Variants in DAB2IP observed in about 807,000 individuals in gnomAD.
DAB2IP encodes the protein disabled homolog 2-interacting protein.
A neutral mutation model predicts 107.2 loss-of-function variants in DAB2IP; 28 were observed. The ratio of observed to expected loss-of-function variants is 0.26; its 90% CI spans 0.19 to 0.36. DAB2IP has a LOEUF of 0.36. DAB2IP is among the 10% of genes least tolerant of loss of function. The pLI, the probability that DAB2IP is intolerant of heterozygous loss-of-function variation, is 1.00. For missense variants in DAB2IP, 1,400 were observed against 1,644.7 expected (o/e 0.85, Z 2.57); for synonymous variants, 755 against 706.4 (o/e 1.07, Z -1.09).
rs150482022 is a variant in DAB2IP, at chr9:121,772,736, T to C, written c.2208T>C (p.Asp736=). Residue 736 remains aspartate (D), a synonymous_variant, in exon 12 of 16, where the codon GAT becomes GAC. Coordinates refer to ENST00000408936, the Ensembl canonical transcript of DAB2IP. This position sits in a 1 kb window ranked among gnomAD's most constrained non-coding sequence, Gnocchi z 4.7. ...GTTACTCGGAAGCCAACGAGCCTGA[T>C]CTTCAGATGGCCAACGGTGGCAAGA... 47 of 1,613,982 alleles carry C rather than the reference T, an allele frequency of 2.9e-5. No homozygotes were observed. The African/African-American group carries it at 5.9e-4, about 20-fold the overall frequency.
chr9:121,579,658 C>T (rs1830147290), intron 1 of DAB2IP, among the ~76,000 whole-genome samples: 1 of 152,160 alleles, frequency 6.6e-6, no homozygotes. Context: ...GCTCTGGGGG[C>T]AGCCCTGTCA....
chr9:121,642,495 T>A (rs978341162), intron 1 of DAB2IP, among the ~76,000 whole-genome samples: 13 of 147,510 alleles, frequency 8.8e-5, no homozygotes, highest in African/African-American at 3.3e-4. Flanking sequence ...TTTCTTTTTT[T>A]TTTTTTTTTT....
Position 121,776,405 on chromosome 9 carries a change from C to A in DAB2IP, c.3314+14C>A. The A allele has an allele frequency of 6.6e-7, 1 of 1,513,316 alleles. No homozygotes were observed. 93.7% of individuals were successfully genotyped at this position (1,513,316 alleles called of 1,614,324 possible). On this transcript the variant is annotated intron_variant, in intron 14 of 15. Coordinates refer to ENST00000408936, the Ensembl canonical transcript of DAB2IP. The surrounding 1 kb of genome is among the most constrained non-coding windows in gnomAD (Gnocchi z 5.4). ...CATCATCAGCAGGTGGGGCCCACAC[C>A]TGCCTGGCCTGGCCACAGGCACAGG...
At chr9:121,666,414 G>T (rs1325592706) in intron 1 of DAB2IP, among the ~76,000 whole-genome samples, 1 of 152,234 alleles carries the variant, frequency 6.6e-6, no homozygotes, top group Non-Finnish European at 1.5e-5. Context: ...GGTGGGTAAG[G>T]TTTAGTAACC....
Position 121,772,491 on chromosome 9 carries a change from G to A in DAB2IP, c.2079-116G>A. ...CAGCGCATCCATCTCCCCAGCGCTG[G>A]CTCAGGCTGCCAGGCCCCGGCAGGT... On this transcript the variant is annotated intron_variant, in intron 11 of 15. Coordinates refer to ENST00000408936, the Ensembl canonical transcript of DAB2IP. This position sits in a 1 kb window ranked among gnomAD's most constrained non-coding sequence, Gnocchi z 4.7. The A allele has an allele frequency of 8.5e-7, 1 of 1,170,156 alleles. No homozygotes were observed. The highest frequency in any genetic ancestry group is 1.2e-6 in the Non-Finnish European group (1 of 818,374). 72.5% of individuals were successfully genotyped at this position (1,170,156 alleles called of 1,614,324 possible). A position where few individuals can be genotyped will look rare whatever the true frequency, so the allele number is the denominator to read the frequency against.
Position 121,599,066 on chromosome 9 carries a change from G to A in DAB2IP, c.40+31838G>A, listed in dbSNP as rs775720235. Among the ~76,000 whole-genome samples, 9 of 152,092 alleles carry A rather than the reference G, an allele frequency of 5.9e-5. No individual in the cohort carries two copies. The highest frequency in any genetic ancestry group is 1.3e-4 in the Non-Finnish European group (9 of 68,012). The stretch of plus-strand genomic sequence containing the variant: ...GCTCTAGTTCCCCCCATTAGTCCCC[G>A]GCTCCTGAGGTTGGAGATCCACGCA... On this transcript the variant is annotated intron_variant, in intron 1 of 16. Transcript: ENST00000259371. The surrounding 1 kb of genome is among the most constrained non-coding windows in gnomAD (Gnocchi z 6.9).
At chr9:121,573,791 G>A (rs954901743) in intron 1 of DAB2IP, among the ~76,000 whole-genome samples, 2 of 152,142 alleles carry the variant, frequency 1.3e-5, no homozygotes. Context: ...CCCTGATCAC[G>A]CAGTGAGTGC....
chr9:121,723,111 G>C (rs1258807700), intron 3 of DAB2IP, among the ~76,000 whole-genome samples: 1 of 152,220 alleles, frequency 6.6e-6, no homozygotes, highest in Non-Finnish European at 1.5e-5. Context: ...AGCACCCACA[G>C]CCTTTAGTCC....
At chr9:121,573,858 A>G (rs1033103749) in intron 1 of DAB2IP, among the ~76,000 whole-genome samples, 2 of 152,142 alleles carry the variant, frequency 1.3e-5, no homozygotes, top group Non-Finnish European at 2.9e-5. Context: ...ATTTTGCTGC[A>G]GTCCTGAAAG....
In DAB2IP at chr9:121,621,636, C is replaced by CTT. The variant is rs538942620; in HGVS notation, c.40+54425_40+54426dup. Among the ~76,000 whole-genome samples the CTT allele has an allele frequency of 6.0e-3, 811 of 134,850 alleles. 10 individuals are homozygous for CTT. The highest frequency in any genetic ancestry group is 0.021 in the African/African-American group (730 of 35,418). 88.5% of individuals were successfully genotyped at this position (134,850 alleles called of 152,430 possible). On this transcript the variant is annotated intron_variant, in intron 1 of 16. Coordinates refer to the DAB2IP transcript ENST00000259371. ...ATGGCTGTTTGTATTTCTTTTTTTC[C>CTT]TTTTTTTTTTTTTTTTTTGAGACCA...
chr9:121,587,283 C>A (rs572832861), intron 1 of DAB2IP, among the ~76,000 whole-genome samples: 3 of 152,088 alleles, frequency 2.0e-5, no homozygotes, highest in African/African-American at 7.2e-5. Context: ...GGAAAAAACC[C>A]GGAGGCAGGG....
chr9:121,720,275 G>C (rs1293541809), intron 3 of DAB2IP, among the ~76,000 whole-genome samples: 1 of 152,166 alleles, frequency 6.6e-6, no homozygotes, highest in Non-Finnish European at 1.5e-5. Flanking sequence ...TGTGGACCGG[G>C]CCCAGGCCTC....
At chr9:121,752,062 G>A (rs1833156282) in intron 3 of DAB2IP, 1 of 981,846 alleles carries the variant, frequency 1.0e-6, no homozygotes, top group African/African-American at 1.7e-5. Context: ...CTGGGGCCGT[G>A]GGGAGCAGTG....
upstream of DAB2IP, among the ~76,000 whole-genome samples, chr9:121,649,136 C>T (rs562229217): frequency 6.6e-5 from 10 of 152,160 alleles, no homozygotes; most frequent in African/African-American, 2.2e-4. Flanking sequence ...GCCCCAGGCC[C>T]GTGGAGATGC....
rs565221470 is a variant in DAB2IP at position 121,740,886 on chromosome 9, G to A, written c.363-16127G>A. ...CATGAGGAAACTGAGACTCAGGAAA[G>A]TAAAAGGATTTGTCCAGGGTTCCAC... On this transcript the variant is annotated intron_variant, in intron 3 of 15. Transcript: ENST00000408936. 3.5e-4 allele frequency among the ~76,000 whole-genome samples: 53 copies of A among 152,318 alleles called. No homozygotes were observed. The South Asian group carries it at 0.011, about 31-fold the overall frequency.
intron 3 of DAB2IP, among the ~76,000 whole-genome samples, chr9:121,725,206 G>A (rs1831169086): frequency 6.6e-6 from 1 of 152,168 alleles, no homozygotes; most frequent in Non-Finnish European, 1.5e-5. Context: ...TGCTGTTTGC[G>A]TTGTCGTCAC....
intron 1 of DAB2IP, among the ~76,000 whole-genome samples, chr9:121,653,454 C>A (rs1336038673): frequency 1.3e-5 from 2 of 152,098 alleles, no homozygotes; most frequent in African/African-American, 2.4e-5. Flanking sequence ...TGGGCTCAAG[C>A]TTTGTGACTT....
intron 1 of DAB2IP, among the ~76,000 whole-genome samples, chr9:121,644,955 C>T (rs1267451208): frequency 6.6e-6 from 1 of 152,228 alleles, no homozygotes; most frequent in Non-Finnish European, 1.5e-5. Context: ...CAGGCCAGTG[C>T]CAGCCATGAA....
rs1434957269 is a variant in DAB2IP, at chr9:121,701,143, G to T, written c.362+1685G>T. Among the ~76,000 whole-genome samples, 1 of 152,234 alleles carries T rather than the reference G, an allele frequency of 6.6e-6. No individual in the cohort carries two copies. The highest frequency in any genetic ancestry group is 1.9e-4 in the East Asian group (1 of 5,194). On this transcript the variant is annotated intron_variant, in intron 3 of 15. Transcript: ENST00000408936. This position sits in a 1 kb window ranked among gnomAD's most constrained non-coding sequence, Gnocchi z 4.7. ...GTACCCCGTTTTGTGTGCATGTGGT[G>T]GTTGTCCGGGGAGCAGGAGAGACAA... is the stretch of plus-strand genomic sequence containing the variant.
Sources: allele counts gnomAD v4.1 joint callset (sites outside exome capture counted in the v4.1 genomes callset), GRCh38; gene constraint gnomAD v4.1.1; non-coding constraint Gnocchi (gnomAD v3.1); transcripts MANE v1.5; gene names NCBI Gene and HGNC (gene_info 2026-07-23, HGNC 2026-07-21).